Variants in REC114 observed in about 807,000 individuals in gnomAD.
REC114 encodes REC114 meiotic recombination protein, also known as meiotic recombination protein REC114.
A neutral mutation model predicts 31.3 loss-of-function variants in REC114; 27 were observed. The observed-to-expected ratio is 0.86, with a 90% CI of 0.64 to 1.19. REC114 has a LOEUF of 1.19. REC114 is among the 50% of genes most tolerant of loss of function. REC114 has a pLI of 0.00. For synonymous variants in REC114, 134 were observed against 127.7 expected, an observed-to-expected ratio of 1.05 and a Z score of -0.33; for missense variants, 344 against 326.9, an observed-to-expected ratio of 1.05 and a Z score of -0.40.
At chr15:73,524,670 T>C (rs993459579) in intron 2 of REC114, among the ~76,000 whole-genome samples, 1 of 152,168 alleles carries the variant, frequency 6.6e-6, no homozygotes, top group Non-Finnish European at 1.5e-5. Flanking sequence ...TGATCTTGGC[T>C]CACTGCAACT....
intron 2 of REC114, among the ~76,000 whole-genome samples, chr15:73,526,719 C>T (rs376992225): frequency 1.3e-5 from 2 of 152,086 alleles, no homozygotes; most frequent in African/African-American, 4.8e-5. Flanking sequence ...TCTGTTGACT[C>T]ATTTTTCTCA....
chr15:73,540,432 C>A, intron 2 of REC114, 53 bp from the exon 3 acceptor site: 2 of 1,214,170 alleles, frequency 1.6e-6, no homozygotes, highest in Non-Finnish European at 2.5e-6. Context: ...GCAGCCATAG[C>A]TATTCTTCAT....
intron 2 of REC114, among the ~76,000 whole-genome samples, chr15:73,539,343 T>G (rs1241904771): frequency 7.6e-6 from 1 of 131,154 alleles, no homozygotes; most frequent in Non-Finnish European, 1.5e-5. Flanking sequence ...CAGACTGGAG[T>G]GCAGTGGCGC....
intron 1 of REC114, among the ~76,000 whole-genome samples, chr15:73,454,963 G>A (rs79593672): frequency 0.025 from 3,823 of 152,274 alleles, 96 homozygotes; most frequent in African/African-American, 0.06. Flanking sequence ...GCTTTTAACA[G>A]TTTTCAAATG....
At chr15:73,530,210 G>A (rs1405121087) in intron 2 of REC114, among the ~76,000 whole-genome samples, 3 of 152,134 alleles carry the variant, frequency 2.0e-5, no homozygotes, top group Admixed American at 6.5e-5. Context: ...GCACAATATT[G>A]TATGTTTCTG....
chr15:73,528,879 C>T (rs1240603763), intron 2 of REC114, among the ~76,000 whole-genome samples: 1 of 151,488 alleles, frequency 6.6e-6, no homozygotes, highest in Non-Finnish European at 1.5e-5. Context: ...GTTTCTTTAA[C>T]AAAAAAATTC....
At chr15:73,472,256 TA>T (rs1460414551) in intron 1 of REC114, among the ~76,000 whole-genome samples, 8 of 152,240 alleles carry the variant, frequency 5.3e-5, no homozygotes, top group Admixed American at 2.6e-4. Flanking sequence ...ACACACAGGA[TA>T]ATTCATTTAA....
At chr15:73,558,975 G>A (rs1894523594) in intron 5 of REC114, among the ~76,000 whole-genome samples, 1 of 152,198 alleles carries the variant, frequency 6.6e-6, no homozygotes, top group Non-Finnish European at 1.5e-5. Context: ...CAATAAAAAT[G>A]AATTACTGCT....
chr15:73,503,978 T>C (rs949562118), intron 2 of REC114, among the ~76,000 whole-genome samples: 2 of 151,672 alleles, frequency 1.3e-5, no homozygotes, highest in East Asian at 3.9e-4. Context: ...TTTTATATCT[T>C]AGAAATTCTC....
intron 2 of REC114, among the ~76,000 whole-genome samples, chr15:73,475,292 A>C (rs1364122025): frequency 2.6e-5 from 4 of 152,222 alleles, no homozygotes; most frequent in African/African-American, 7.2e-5. Flanking sequence ...AAATTCCAAG[A>C]TACCCACTAC....
intron 3 of REC114, among the ~76,000 whole-genome samples, chr15:73,550,428 C>T (rs1414119513): frequency 1.3e-5 from 2 of 152,164 alleles, no homozygotes; most frequent in Non-Finnish European, 2.9e-5. Context: ...TACTACAGAT[C>T]ATTAGCATGA....
intron 2 of REC114, among the ~76,000 whole-genome samples, chr15:73,532,517 G>T (rs1894099709): frequency 6.6e-6 from 1 of 151,252 alleles, no homozygotes; most frequent in Admixed American, 6.6e-5. Flanking sequence ...GGATGGCTGG[G>T]TCAAATGGTA....
chr15:73,492,084 A>G (rs959010461), intron 2 of REC114, among the ~76,000 whole-genome samples: 3 of 152,108 alleles, frequency 2.0e-5, no homozygotes, highest in Admixed American at 6.6e-5. Context: ...AGTGAAGCAC[A>G]TTTTTTATAT....
rs138662556 is a variant in REC114 at position 73,498,481 on chromosome 15, C to T, written c.249+24560C>T. Among the ~76,000 whole-genome samples the T allele has an allele frequency of 7.2e-5, 11 of 152,168 alleles. No individual in the cohort carries two copies. The East Asian group carries it at 2.1e-3, about 29-fold the overall frequency. ...TAGTAGACTAAACTGCTAAGTAGGT[C>T]GACCTGCCTGAGCACCATGAGGTGG... On this transcript the variant is annotated intron_variant, in intron 2 of 5. Coordinates refer to ENST00000331090, the MANE Select transcript of REC114 (RefSeq NM_001042367.2).
At chr15:73,523,112 G>A (rs1893958549) in intron 2 of REC114, among the ~76,000 whole-genome samples, 1 of 152,016 alleles carries the variant, frequency 6.6e-6, no homozygotes, top group African/African-American at 2.4e-5. Context: ...CTATTGAGTT[G>A]TCTATAAGAG....
intron 1 of REC114, among the ~76,000 whole-genome samples, chr15:73,447,089 C>T (rs1892775114): frequency 1.3e-5 from 2 of 152,102 alleles, no homozygotes; most frequent in South Asian, 4.1e-4. Flanking sequence ...TAAAGGACTT[C>T]TGGGTTTCTA....
At chr15:73,451,492 G>A (rs1172599169) in intron 1 of REC114, among the ~76,000 whole-genome samples, 1 of 152,130 alleles carries the variant, frequency 6.6e-6, no homozygotes, top group Non-Finnish European at 1.5e-5. Flanking sequence ...GTAATGAATA[G>A]CCTACCAACT....
At chr15:73,465,913 G>A (rs1362226932) in intron 1 of REC114, among the ~76,000 whole-genome samples, 1 of 152,058 alleles carries the variant, frequency 6.6e-6, no homozygotes, top group Non-Finnish European at 1.5e-5. Context: ...GTGCAGTGGC[G>A]CGATCTCAGC....
chr15:73,490,045 T>G (rs541706722), intron 2 of REC114, among the ~76,000 whole-genome samples: 32 of 152,256 alleles, frequency 2.1e-4, no homozygotes, highest in Non-Finnish European at 4.1e-4. Context: ...CATTTTCTGA[T>G]GACACTTTGC....
Sources: gnomAD v4.1 joint callset for allele counts (sites outside exome capture counted in the v4.1 genomes callset) on GRCh38, gnomAD v4.1.1 for gene constraint, MANE v1.5 for transcripts, NCBI Gene and HGNC (gene_info 2026-07-23, HGNC 2026-07-21) for gene names.